COL25A1: variants seen among roughly 807,000 people sequenced by gnomAD.
The protein encoded by COL25A1 is collagen alpha-1(XXV) chain.
COL25A1 carries 103 observed loss-of-function variants against 128.4 expected under a neutral mutation model. That is an observed-to-expected ratio of 0.80 (90% confidence interval 0.68 to 0.94). The LOEUF is 0.94. COL25A1 is among the 40% of genes least tolerant of loss of function. The pLI is 0.00. For missense variants in COL25A1, 745 were observed against 840.0 expected, an observed-to-expected ratio of 0.89 and a Z score of 1.40; for synonymous variants, 279 against 277.2, an observed-to-expected ratio of 1.01 and a Z score of -0.06.
chr4:108,874,745 A>AAAAATGTCTAAG (rs2125820287), intron 19 of COL25A1, among the ~76,000 whole-genome samples: 1 of 152,366 alleles, frequency 6.6e-6, no homozygotes, highest in African/African-American at 2.4e-5. Context: ...AGAAAATAAC[A>AAAAATGTCTAAG]AAAATGTCTA....
intron 3 of COL25A1, among the ~76,000 whole-genome samples, chr4:109,149,346 T>G (rs1401232315): frequency 6.6e-6 from 1 of 152,190 alleles, no homozygotes; most frequent in East Asian, 1.9e-4. Context: ...CAATTAAATA[T>G]TGAAATATAT....
Position 109,181,841 on chromosome 4 carries a change from A to G in COL25A1, c.367+118742T>C, listed in dbSNP as rs76194991. On this transcript the variant is annotated intron_variant, in intron 3 of 37. Coordinates refer to ENST00000399132, the MANE Select transcript of COL25A1 (RefSeq NM_198721.4). ...GCTGAAATTTTATACCCTTTGACCA[A>G]CATCTCCCCAATCCCCTCCTGCCCC... is the stretch of plus-strand genomic sequence containing the variant. Among the ~76,000 whole-genome samples, 720 of 152,020 alleles carry G rather than the reference A, an allele frequency of 4.7e-3. 4 individuals carry two copies. Among genetic ancestry groups the G allele is most frequent in the Non-Finnish European group, 6.7e-3 (457 of 67,908 alleles).
chr4:108,868,498 A>AGGAG (rs1000588985), intron 20 of COL25A1, among the ~76,000 whole-genome samples: 5 of 150,186 alleles, frequency 3.3e-5, no homozygotes, highest in East Asian at 2.0e-4. Context: ...GAAGGAAGGA[A>AGGAG]GGAGGGAGGG....
chr4:109,097,443 A>T (rs1560686821), intron 3 of COL25A1, among the ~76,000 whole-genome samples: 1 of 150,920 alleles, frequency 6.6e-6, no homozygotes, highest in African/African-American at 2.4e-5. Context: ...TGTCTAAAAA[A>T]AAAAAAAAAA....
chr4:109,237,015 A>G (rs974947663), intron 3 of COL25A1, among the ~76,000 whole-genome samples: 4 of 152,148 alleles, frequency 2.6e-5, no homozygotes, highest in African/African-American at 9.6e-5. Context: ...TCTCATAAGC[A>G]TGTAAAATTA....
At chr4:109,004,498 C>G (rs906877911) in intron 6 of COL25A1, among the ~76,000 whole-genome samples, 4 of 151,756 alleles carry the variant, frequency 2.6e-5, no homozygotes. Flanking sequence ...TGGATATTTG[C>G]CCCCGCCCAA....
At chr4:108,844,463 C>T in intron 30 of COL25A1, 56 bp downstream of exon 30, 2 of 1,613,876 alleles carry the variant, frequency 1.2e-6, no homozygotes, top group Non-Finnish European at 1.7e-6. Context: ...TTCATGTTCT[C>T]TCTAGCAGCA....
Position 108,974,647 on chromosome 4 carries a change from C to T in COL25A1, c.439-88G>A. 4 of 1,089,064 alleles carry T rather than the reference C, an allele frequency of 3.7e-6. No individual in the cohort carries two copies. In the South Asian group the frequency reaches 4.7e-5, roughly 13 times the overall value. 67.5% of individuals were successfully genotyped at this position (1,089,064 alleles called of 1,614,324 possible). On this transcript the variant is annotated intron_variant, in intron 6 of 37. Transcript: ENST00000399132. Reference sequence around the variant, plus strand: ...AGCCAGGTTAGTTGAAAGATTCATTCAAAGAATACAGAGATAGCTGTCAAT... The same window carrying T: ...AGCCAGGTTAGTTGAAAGATTCATTTAAAGAATACAGAGATAGCTGTCAAT...
At chr4:109,161,874 C>T (rs1455335711) in intron 3 of COL25A1, among the ~76,000 whole-genome samples, 2 of 152,114 alleles carry the variant, frequency 1.3e-5, no homozygotes, top group African/African-American at 4.8e-5. Context: ...CACCAGGGAC[C>T]GTGTGTTAAC....
intron 5 of COL25A1, among the ~76,000 whole-genome samples, chr4:109,027,129 G>A (rs1235735449): frequency 2.0e-5 from 3 of 152,190 alleles, no homozygotes; most frequent in East Asian, 1.9e-4. Context: ...ACAAAGCCCC[G>A]CTATCACTTT....
At chr4:109,298,488 T>C (rs1725202945) in intron 3 of COL25A1, among the ~76,000 whole-genome samples, 1 of 152,154 alleles carries the variant, frequency 6.6e-6, no homozygotes, top group African/African-American at 2.4e-5. Context: ...CACTCTGCCC[T>C]ACAAACAGAT....
At chr4:109,160,059 G>A (rs1772407059) in intron 3 of COL25A1, among the ~76,000 whole-genome samples, 5 of 152,092 alleles carry the variant, frequency 3.3e-5, no homozygotes, top group Admixed American at 3.3e-4. Context: ...GACAAAACCA[G>A]TTTCTCTTAT....
chr4:109,032,067 G>A (rs1758919168), intron 5 of COL25A1, among the ~76,000 whole-genome samples: 1 of 152,030 alleles, frequency 6.6e-6, no homozygotes, highest in Non-Finnish European at 1.5e-5. Context: ...AATATGCCAG[G>A]TACTGTGATG....
At chr4:109,106,903 G>A (rs890559560) in intron 3 of COL25A1, among the ~76,000 whole-genome samples, 2 of 152,098 alleles carry the variant, frequency 1.3e-5, no homozygotes, top group Admixed American at 6.5e-5. Context: ...GAGTAGCTGG[G>A]ACTACAGGCG....
At chr4:108,888,994 A>C (rs566629679) in intron 18 of COL25A1, among the ~76,000 whole-genome samples, 27 of 152,366 alleles carry the variant, frequency 1.8e-4, no homozygotes, top group African/African-American at 6.3e-4. Flanking sequence ...AAGTATATGC[A>C]GACTTTTATT....
chr4:109,036,220 C>A (rs1286983942), intron 5 of COL25A1, among the ~76,000 whole-genome samples: 1 of 151,894 alleles, frequency 6.6e-6, no homozygotes, highest in Non-Finnish European at 1.5e-5. Context: ...AGCTACCATG[C>A]CCGGCCCAAA....
At chr4:109,283,170 C>T (rs538753326) in intron 3 of COL25A1, among the ~76,000 whole-genome samples, 1 of 152,154 alleles carries the variant, frequency 6.6e-6, no homozygotes, top group Non-Finnish European at 1.5e-5. Context: ...TTTCTCCAAA[C>T]TGAAAATATC....
At chr4:109,083,833 G>T (rs111639904) in intron 3 of COL25A1, among the ~76,000 whole-genome samples, 2 of 151,966 alleles carry the variant, frequency 1.3e-5, no homozygotes, top group Non-Finnish European at 2.9e-5. Flanking sequence ...CTTCCACAAA[G>T]AAAGATATAA....
At chr4:109,189,964 A>C (rs1208407138) in intron 3 of COL25A1, among the ~76,000 whole-genome samples, 1 of 152,180 alleles carries the variant, frequency 6.6e-6, no homozygotes, top group East Asian at 1.9e-4. Context: ...TCCAAATATT[A>C]ATTTACAATT....
Sources: allele counts gnomAD v4.1 joint callset (sites outside exome capture counted in the v4.1 genomes callset), GRCh38; gene constraint gnomAD v4.1.1; transcripts MANE v1.5; gene names NCBI Gene and HGNC (gene_info 2026-07-23, HGNC 2026-07-21).